Variants in PARVG observed in about 807,000 individuals in gnomAD.
PARVG encodes gamma-parvin.
PARVG carries 36 observed loss-of-function variants against 44.4 expected under a neutral mutation model. That is an observed-to-expected ratio of 0.81 (90% CI 0.62 to 1.07). The LOEUF is 1.07. Ranked by LOEUF, PARVG falls within the 50% of genes least tolerant of loss-of-function variation. The pLI is 0.00. For synonymous variants in PARVG, 170 were observed against 174.1 expected (o/e 0.98, Z 0.19); for missense variants, 407 against 407.4 (o/e 1.00, Z 0.01).
At position 44,181,089 on chromosome 22, in the gene PARVG, T is replaced by C. The variant is rs560758403; in HGVS notation, c.-285T>C. 4.4e-6 allele frequency: 3 copies of C among 687,122 alleles called. No homozygotes were observed. Among genetic ancestry groups the C allele is most frequent in the South Asian group, 1.3e-4 (2 of 15,462 alleles). 42.6% of individuals were successfully genotyped at this position (687,122 alleles called of 1,614,324 possible). On this transcript the variant is annotated 5_prime_UTR_variant, in exon 1 of 14. Transcript: ENST00000444313. ...CTCCTATGCAGCCGTCAAGGCCCCA[T>C]TCTCCTCTGGAAAGCCTTCCCGATC... is the stretch of plus-strand genomic sequence containing the variant.
rs139188 is a variant in PARVG at position 44,207,702 on chromosome 22, G to A, written c.*1276G>A. 0.28 allele frequency: 42,540 copies of A among 152,108 alleles called. 7,119 individuals carry two copies. Among genetic ancestry groups the A allele is most frequent in the Non-Finnish European group, 0.39 (26,546 of 68,050 alleles). The allele number at this position is 152,108 out of a possible 1,614,324, so 9.4% of individuals were successfully genotyped here. ...AGATGTCCTTCGGGGGAGCAAGATGGGAGCCAGGGACGCAGTGCCAGGTCA... is the reference window on the plus strand; with the variant it reads ...AGATGTCCTTCGGGGGAGCAAGATGAGAGCCAGGGACGCAGTGCCAGGTCA... On this transcript the variant is annotated 3_prime_UTR_variant, in exon 14 of 14. Transcript: ENST00000444313.
chr22:44,183,229 T>C, intron 2 of PARVG, 89 bp from the exon 3 acceptor site: 4 of 1,248,292 alleles, frequency 3.2e-6, no homozygotes, highest in Non-Finnish European at 4.4e-6. Context: ...CTACCCTCCT[T>C]CTGTGCCTCC....
intron 3 of PARVG, 172 bp downstream of exon 3, chr22:44,183,580 C>T (rs927517344): frequency 2.3e-5 from 13 of 569,342 alleles, no homozygotes; most frequent in African/African-American, 3.9e-5. Flanking sequence ...CCTCCTGGGA[C>T]CTTCTACAGA....
Position 44,206,392 on chromosome 22 carries a change from A to G in PARVG, c.962A>G (p.His321Arg), listed in dbSNP as rs1272121777. Reference protein sequence around the residue: ...GLFCKHTQKAHRDRTPHGAPN With the variant: ...GLFCKHTQKARRDRTPHGAPN ...TTCTGCAAGCACACGCAGAAGGCAC[A>G]CAGGGACAGGACGCCCCATGGAGCC... The change falls in exon 14 of 14, where the codon CAC becomes CGC. Residue 321 changes from histidine (H) to arginine (R), a missense_variant. By Grantham distance (29) the His-to-Arg change is conservative. Coordinates refer to ENST00000444313, the MANE Select transcript of PARVG (RefSeq NM_022141.7). The G allele has an allele frequency of 6.2e-7, 1 of 1,613,954 alleles. No homozygotes were observed. The highest frequency in any genetic ancestry group is 8.5e-7 in the Non-Finnish European group (1 of 1,180,004).
intron 11 of PARVG, among the ~76,000 whole-genome samples, chr22:44,196,806 C>T (rs796498192): frequency 2.2e-4 from 33 of 152,326 alleles, no homozygotes; most frequent in African/African-American, 6.7e-4. Flanking sequence ...TAGGTGACAG[C>T]GCAGCCCAGC....
upstream of PARVG, among the ~76,000 whole-genome samples, chr22:44,178,754 A>G (rs2054341422): frequency 6.6e-6 from 1 of 152,128 alleles, no homozygotes; most frequent in African/African-American, 2.4e-5. Flanking sequence ...ATGCAATCAC[A>G]TGTGCTGTGT....
chr22:44,204,665 G>T (rs755910058), intron 12 of PARVG, among the ~76,000 whole-genome samples: 1 of 152,256 alleles, frequency 6.6e-6, no homozygotes, highest in African/African-American at 2.4e-5. Flanking sequence ...CATGGGAACT[G>T]CCCTGTCCTG....
chr22:44,192,622 G>A (rs1318516522), intron 8 of PARVG, among the ~76,000 whole-genome samples: 2 of 128,880 alleles, frequency 1.6e-5, no homozygotes, highest in Admixed American at 1.6e-4. Context: ...CCTCTGGGGA[G>A]TGGCCATCCT....
Position 44,182,336 on chromosome 22 carries a change from C to T in PARVG, c.-13+419C>T, listed in dbSNP as rs1008229029. ...GAGTGAGGAGGAGCTGGCCTGGGAC[C>T]CAGGCTTCCTGACGCCCAGGCCAGG... On this transcript the variant is annotated intron_variant, in intron 2 of 13. Coordinates refer to ENST00000444313, the MANE Select transcript of PARVG (RefSeq NM_022141.7). The surrounding 1 kb of genome is among the most constrained non-coding windows in gnomAD (Gnocchi z 4.6). Among the ~76,000 whole-genome samples the T allele has an allele frequency of 3.3e-5, 5 of 152,122 alleles. No individual in the cohort carries two copies. The highest frequency in any genetic ancestry group is 7.3e-5 in the Non-Finnish European group (5 of 68,030).
chr22:44,197,067 A>G (rs1051242251), intron 11 of PARVG, among the ~76,000 whole-genome samples: 1 of 152,070 alleles, frequency 6.6e-6, no homozygotes, highest in Admixed American at 6.5e-5. Context: ...GCTGGATGCC[A>G]GTGGCCTGAA....
chr22:44,190,718 C>T (rs2054536719), intron 7 of PARVG, 52 bp downstream of exon 7: 3 of 1,484,840 alleles, frequency 2.0e-6, no homozygotes, highest in Non-Finnish European at 2.8e-6. Context: ...CCTCTTGGGC[C>T]CCCATTGCCG....
upstream of PARVG, among the ~76,000 whole-genome samples, chr22:44,176,899 T>C (rs1601723077): frequency 6.6e-6 from 1 of 151,492 alleles, no homozygotes; most frequent in African/African-American, 2.4e-5. Flanking sequence ...GGCAAAAGAG[T>C]GTGTTTAGGT....
chr22:44,191,254 G>C (rs2054544229), intron 7 of PARVG, among the ~76,000 whole-genome samples: 1 of 151,990 alleles, frequency 6.6e-6, no homozygotes, highest in Admixed American at 6.6e-5. Flanking sequence ...CCAGCTCTTT[G>C]CTTCTCATGA....
rs2054368893 is a variant in PARVG, at chr22:44,181,095, T to C, written c.-279T>C. The C allele has an allele frequency of 3.1e-6, 2 of 647,042 alleles. No homozygotes were observed. The highest frequency in any genetic ancestry group is 2.0e-5 in the African/African-American group (1 of 50,690). 40.1% of individuals were successfully genotyped at this position (647,042 alleles called of 1,614,324 possible). ...TGCAGCCGTCAAGGCCCCATTCTCC[T>C]CTGGAAAGCCTTCCCGATCCCCTTG... On this transcript the variant is annotated 5_prime_UTR_variant, in exon 1 of 14. Transcript: ENST00000444313.
In PARVG at chr22:44,185,841, G is replaced by A. The variant is rs141512171; in HGVS notation, c.113G>A (p.Arg38Gln). The change falls in exon 4 of 14, where the codon CGG becomes CAG. Residue 38 changes from arginine (R) to glutamine (Q), a missense_variant. Coordinates refer to ENST00000444313, the MANE Select transcript of PARVG (RefSeq NM_022141.7). Reference protein sequence around the residue: ...GKKKYLPPTSRKDPKFEELQK... With the variant: ...GKKKYLPPTSQKDPKFEELQK... ...AAGAAATACCTGCCACCCACTTCCCGGAAGGACCCCAAATTTGAAGAACTG... is the reference window on the plus strand; with the variant it reads ...AAGAAATACCTGCCACCCACTTCCCAGAAGGACCCCAAATTTGAAGAACTG... 197 of 1,613,574 alleles carry A rather than the reference G, an allele frequency of 1.2e-4. 3 individuals are homozygous for A. In the South Asian group the frequency reaches 1.6e-3, roughly 13 times the overall value.
rs901634921 is a variant in PARVG at position 44,185,839 on chromosome 22, C to G, written c.111C>G (p.Ser37=). Residue 37 remains serine, a synonymous_variant, in exon 4 of 14, where the codon TCC becomes TCG. Coordinates refer to ENST00000444313, the MANE Select transcript of PARVG (RefSeq NM_022141.7). ...GGKKKYLPPT[S]RKDPKFEELQ... Reference sequence around the variant, plus strand: ...AGAAGAAATACCTGCCACCCACTTCCCGGAAGGACCCCAAATTTGAAGAAC... The same window carrying G: ...AGAAGAAATACCTGCCACCCACTTCGCGGAAGGACCCCAAATTTGAAGAAC... 1 of 1,613,762 alleles carries G rather than the reference C, an allele frequency of 6.2e-7. No individual in the cohort carries two copies. The highest frequency in any genetic ancestry group is 8.5e-7 in the Non-Finnish European group (1 of 1,179,810).
chr22:44,179,494 C>T (rs2054348696), upstream of PARVG, among the ~76,000 whole-genome samples: 1 of 152,214 alleles, frequency 6.6e-6, no homozygotes, highest in Admixed American at 6.5e-5. The surrounding 1 kb of genome is among the most constrained non-coding windows in gnomAD (Gnocchi z 4.2). Context: ...AACAAGCTCA[C>T]CCCACAGTCC....
chr22:44,175,235 G>A (rs866006147), intron 1 of PARVG, among the ~76,000 whole-genome samples: 1 of 152,268 alleles, frequency 6.6e-6, no homozygotes, highest in African/African-American at 2.4e-5. Flanking sequence ...GGGGGCCGTG[G>A]TGGGGAGGGG....
chr22:44,204,761 G>C (rs1482119720), intron 12 of PARVG, among the ~76,000 whole-genome samples: 1 of 152,244 alleles, frequency 6.6e-6, no homozygotes, highest in African/African-American at 2.4e-5. Context: ...CCGTCTAGTG[G>C]ATCTACGGGT....
Sources: gnomAD v4.1 joint callset for allele counts (sites outside exome capture counted in the v4.1 genomes callset) on GRCh38, gnomAD v4.1.1 for gene constraint, Gnocchi (gnomAD v3.1) non-coding constraint, MANE v1.5 for transcripts, NCBI Gene and HGNC (gene_info 2026-07-23, HGNC 2026-07-21) for gene names.